The following LMF1 variants were observed in gnomAD, a reference collection of about 807,000 sequenced individuals.
LMF1 encodes transmembrane protein 112.
LMF1 carries 68 observed loss-of-function variants against 60.6 expected under a neutral mutation model. That is an observed-to-expected ratio of 1.12 (90% CI 0.92 to 1.37). The LOEUF (loss-of-function observed/expected upper bound fraction) is 1.37. Among genes scored for constraint, LMF1 ranks in the 40% most tolerant of loss-of-function variants. The pLI is 0.00. For synonymous variants in LMF1, 418 were observed against 324.7 expected (o/e 1.29, Z -3.09); for missense variants, 948 against 767.2 (o/e 1.24, Z -2.78).
intron 4 of LMF1, among the ~76,000 whole-genome samples, chr16:909,667 C>G (rs1471992161): frequency 6.6e-6 from 1 of 152,208 alleles, no homozygotes; most frequent in Admixed American, 6.5e-5. Flanking sequence ...GTCATCGCTT[C>G]CTGAGTCCGT....
At chr16:978,032 A>T (rs994854176) in intron 1 of LMF1, among the ~76,000 whole-genome samples, 1 of 109,754 alleles carries the variant, frequency 9.1e-6, no homozygotes, top group Non-Finnish European at 1.8e-5. Context: ...ACACACGCAC[A>T]CCACACATCA....
chr16:868,403 G>A (rs1219163211), intron 10 of LMF1, among the ~76,000 whole-genome samples: 1 of 152,178 alleles, frequency 6.6e-6, no homozygotes, highest in African/African-American at 2.4e-5. Context: ...GGTATGGAGA[G>A]GAGGGTGACT....
intron 1 of LMF1, chr16:976,724 G>A (rs1424845763): frequency 1.1e-5 from 5 of 454,030 alleles, no homozygotes; most frequent in African/African-American, 2.0e-5. Context: ...AGTGACGGAC[G>A]CTGAGCAGCA....
rs11861887 is a variant in LMF1, at chr16:925,966, G to A, written c.514+8278C>T. ...TGTGTCTGTGTGTGCACGTGTGCACGTTTGCATATGATCTGCATACGTGTC... is the reference window on the plus strand; with the variant it reads ...TGTGTCTGTGTGTGCACGTGTGCACATTTGCATATGATCTGCATACGTGTC... On this transcript the variant is annotated intron_variant, in intron 3 of 10. Transcript: ENST00000262301. Among the ~76,000 whole-genome samples, 451 of 152,046 alleles carry A rather than the reference G, an allele frequency of 3.0e-3. 3 individuals are homozygous for A. The highest frequency in any genetic ancestry group is 0.01 in the African/African-American group (419 of 41,450).
At chr16:912,483 G>A (rs181921397) in intron 3 of LMF1, among the ~76,000 whole-genome samples, 30 of 152,354 alleles carry the variant, frequency 2.0e-4, no homozygotes, top group Admixed American at 1.2e-3. Flanking sequence ...CAAAATAAAC[G>A]CCTGCAAGTC....
intron 3 of LMF1, chr16:931,541 G>C (rs1278468285): frequency 3.0e-6 from 3 of 1,015,292 alleles, no homozygotes; most frequent in Non-Finnish European, 3.9e-6. Context: ...TCCCGAACGA[G>C]GCCACAGGAA....
chr16:866,291 A>T (rs1596850483), intron 10 of LMF1, among the ~76,000 whole-genome samples: 1 of 152,174 alleles, frequency 6.6e-6, no homozygotes, highest in Non-Finnish European at 1.5e-5. Context: ...TGCTCCTGCC[A>T]GGTTGGGGTA....
chr16:940,059 C>G (rs1481309465), intron 2 of LMF1, among the ~76,000 whole-genome samples: 2 of 152,138 alleles, frequency 1.3e-5, no homozygotes, highest in African/African-American at 4.8e-5. Flanking sequence ...GGGGAGGAGG[C>G]AAAGCGGCAG....
At chr16:950,395 T>A (rs1597058287) in intron 2 of LMF1, among the ~76,000 whole-genome samples, 1 of 104,104 alleles carries the variant, frequency 9.6e-6, no homozygotes, top group Non-Finnish European at 1.8e-5. Flanking sequence ...AATGACAGAG[T>A]CAGAGCCAAC....
chr16:905,832 C>T (rs2070960824), intron 4 of LMF1, among the ~76,000 whole-genome samples: 1 of 152,082 alleles, frequency 6.6e-6, no homozygotes, highest in Admixed American at 6.5e-5. Flanking sequence ...TGGGCTTGAA[C>T]TCCTGAGCTC....
In LMF1 at chr16:853,997, T is replaced by C. The variant is rs1332259676; in HGVS notation, c.*535A>G. On this transcript the variant is annotated 3_prime_UTR_variant, in exon 11 of 11. Coordinates refer to ENST00000262301, the MANE Select transcript of LMF1 (RefSeq NM_022773.4). Reference sequence around the variant, plus strand: ...GAGGGATAGGACAGAAAATGGCCCATCCAACCCCACATCCTGGCCGGGCGT... The same window carrying C: ...GAGGGATAGGACAGAAAATGGCCCACCCAACCCCACATCCTGGCCGGGCGT... 4.4e-6 allele frequency: 2 copies of C among 453,902 alleles called. No individual in the cohort carries two copies. Among genetic ancestry groups the C allele is most frequent in the Non-Finnish European group, 8.8e-6 (2 of 226,806 alleles). The allele number at this position is 453,902 out of a possible 1,614,324, so 28.1% of individuals were successfully genotyped here. A position where few individuals can be genotyped will look rare whatever the true frequency, so the allele number is the denominator to read the frequency against.
At position 871,324 on chromosome 16, in the gene LMF1, G is replaced by T. The variant is rs767942772; in HGVS notation, c.915C>A (p.Ser305Arg). Residue 305 changes from serine to arginine, a missense_variant, in exon 7 of 11, where the codon AGC becomes AGA. Ser to Arg is a moderately radical substitution (Grantham distance 110). Coordinates refer to ENST00000262301, the MANE Select transcript of LMF1 (RefSeq NM_022773.4). The stretch of plus-strand genomic sequence containing the variant: ...GCCAGTTCAGGAAGCTGAGGTTCCC[G>T]CTGACGATGAGGACGGCCTGTGGAG... The part of the protein sequence containing the change: ...QILFQAVLIV[S>R]GNLSFLNWLT... 1 of 1,612,316 alleles carries T rather than the reference G, an allele frequency of 6.2e-7. No individual in the cohort carries two copies. The highest frequency in any genetic ancestry group is 1.7e-5 in the Admixed American group (1 of 59,986).
At chr16:960,015 T>C (rs1037423190) in intron 1 of LMF1, among the ~76,000 whole-genome samples, 2 of 152,038 alleles carry the variant, frequency 1.3e-5, no homozygotes, top group African/African-American at 4.8e-5. Flanking sequence ...TGAAATGAGA[T>C]AGTGACACAC....
chr16:932,581 A>C (rs911581920), intron 3 of LMF1, among the ~76,000 whole-genome samples: 1 of 152,118 alleles, frequency 6.6e-6, no homozygotes, highest in Middle Eastern at 3.2e-3. Context: ...TGATTGTACA[A>C]TTTTAATTAA....
intron 5 of LMF1, among the ~76,000 whole-genome samples, chr16:886,313 G>A (rs1302625525): frequency 6.6e-6 from 1 of 152,074 alleles, no homozygotes; most frequent in Admixed American, 6.5e-5. Flanking sequence ...ACCTTGAGGC[G>A]CCACCCCTGT....
At chr16:969,339 AAT>A (rs1395350548) in intron 1 of LMF1, among the ~76,000 whole-genome samples, 1 of 152,038 alleles carries the variant, frequency 6.6e-6, no homozygotes, top group Non-Finnish European at 1.5e-5. Context: ...AATAAAATAA[AAT>A]AGTTGCTTTA....
chr16:903,878 C>T (rs2070892360), intron 4 of LMF1: 3 of 143,298 alleles, frequency 2.1e-5, no homozygotes, highest in African/African-American at 4.0e-5. Context: ...GTGGGGTGAC[C>T]TCTGCATCGC....
At chr16:885,175 G>A (rs1054855998) in intron 5 of LMF1, 2 of 152,240 alleles carry the variant, frequency 1.3e-5, no homozygotes, top group African/African-American at 4.8e-5. Context: ...TACCTTGAAG[G>A]TGAGCTGTGA....
rs1383111409 is a variant in LMF1 at position 950,118 on chromosome 16, C to T, written c.503+4239G>A. ...TCAGAGCCAACGACAGAGTCAGAGA[C>T]GAAAGACTCAGAGCCAATGACAGAG... is the stretch of plus-strand genomic sequence containing the variant. On this transcript the variant is annotated intron_variant, in intron 2 of 10. Transcript: ENST00000262301. 3.4e-5 allele frequency among the ~76,000 whole-genome samples: 3 copies of T among 87,318 alleles called. 1 individual carries two copies. The highest frequency in any genetic ancestry group is 6.0e-5 in the Non-Finnish European group (3 of 49,670). 57.3% of individuals were successfully genotyped at this position (87,318 alleles called of 152,430 possible).
Sources: allele counts gnomAD v4.1 joint callset (sites outside exome capture counted in the v4.1 genomes callset), GRCh38; gene constraint gnomAD v4.1.1; transcripts MANE v1.5; gene names NCBI Gene and HGNC (gene_info 2026-07-23, HGNC 2026-07-21).